The following TENM2 variants were observed in gnomAD, a reference collection of about 807,000 sequenced individuals.
TENM2 encodes teneurin transmembrane protein 2.
In TENM2, 52 loss-of-function variants were observed where a neutral mutation model predicts 245.2. The observed-to-expected ratio is 0.21, with a 90% confidence interval of 0.17 to 0.27. TENM2 has a LOEUF of 0.27. TENM2 is among the 10% of genes least tolerant of loss of function. The pLI, the probability that TENM2 is intolerant of heterozygous loss-of-function variation, is 1.00. For synonymous variants in TENM2, 1,363 were observed against 1,438.9 expected, an observed-to-expected ratio of 0.95 and a Z score of 1.19; for missense variants, 3,046 against 3,666.8, an observed-to-expected ratio of 0.83 and a Z score of 4.37.
At chr5:167,458,780 T>C (rs1332090571) in intron 2 of TENM2, among the ~76,000 whole-genome samples, 2 of 152,164 alleles carry the variant, frequency 1.3e-5, no homozygotes, top group African/African-American at 4.8e-5. Context: ...ACTATTATTA[T>C]CCTCGATTCA....
At chr5:167,242,491 C>A in the TENM2 span, among the ~76,000 whole-genome samples, 1 of 152,082 alleles carries the variant, frequency 6.6e-6, no homozygotes, top group Non-Finnish European at 1.5e-5. Flanking sequence ...GCATGGGTTA[C>A]TTATACCTCG....
At chr5:168,224,238 C>G (rs1391671905) in intron 23 of TENM2, among the ~76,000 whole-genome samples, 1 of 152,190 alleles carries the variant, frequency 6.6e-6, no homozygotes, top group Non-Finnish European at 1.5e-5. Flanking sequence ...ATTACAACAC[C>G]AGGGCTTTCC....
intron 2 of TENM2, among the ~76,000 whole-genome samples, chr5:167,550,173 A>G (rs1188713615): frequency 1.3e-5 from 2 of 152,188 alleles, no homozygotes; most frequent in African/African-American, 4.8e-5. Flanking sequence ...ATCTGTCACA[A>G]GATATTTAAT....
At chr5:167,936,083 T>A (rs975333040) in intron 3 of TENM2, among the ~76,000 whole-genome samples, 6 of 152,224 alleles carry the variant, frequency 3.9e-5, no homozygotes, top group Non-Finnish European at 8.8e-5. Context: ...TTTCTCTTCC[T>A]GGGTAGCAAT....
At chr5:167,773,698 G>A (rs989661128) in intron 2 of TENM2, among the ~76,000 whole-genome samples, 9 of 152,180 alleles carry the variant, frequency 5.9e-5, no homozygotes, top group African/African-American at 1.7e-4. Flanking sequence ...AGGAGTATTA[G>A]ACAAGATTTC....
chr5:167,773,722 G>A (rs73801394), intron 2 of TENM2, among the ~76,000 whole-genome samples: 9,861 of 152,102 alleles, frequency 0.065, 380 homozygotes, highest in Middle Eastern at 0.092. Context: ...TCCAGAAGCT[G>A]AAAGCATTTT....
intron 25 of TENM2, among the ~76,000 whole-genome samples, chr5:168,237,000 ATTTTTTTTTTTT>A (rs1167021328): frequency 1.6e-4 from 1 of 6,316 alleles, no homozygotes; most frequent in South Asian, 0.012. Flanking sequence ...ATATATATAT[ATTTTTTTTTTTT>A]TTTTTTTTTT....
chr5:168,142,619 C>G (rs1282631928), intron 12 of TENM2, among the ~76,000 whole-genome samples: 1 of 152,164 alleles, frequency 6.6e-6, no homozygotes, highest in African/African-American at 2.4e-5. Context: ...GTAGTTGAAG[C>G]CAAGCTGAGA....
At chr5:167,505,184 C>T (rs1769458760) in intron 2 of TENM2, among the ~76,000 whole-genome samples, 1 of 152,076 alleles carries the variant, frequency 6.6e-6, no homozygotes, top group Non-Finnish European at 1.5e-5. Context: ...TGATTGAAAG[C>T]TGCCTCGGTA....
intron 1 of TENM2, among the ~76,000 whole-genome samples, chr5:167,290,057 A>G (rs1754544510): frequency 6.6e-6 from 1 of 152,188 alleles, no homozygotes; most frequent in South Asian, 2.1e-4. Context: ...TCATAACTCA[A>G]CTAAGAATAA....
At chr5:167,911,312 G>A (rs1408211302) in intron 3 of TENM2, among the ~76,000 whole-genome samples, 1 of 152,148 alleles carries the variant, frequency 6.6e-6, no homozygotes, top group Non-Finnish European at 1.5e-5. Context: ...GGATCATGAG[G>A]TCAGGAGATC....
At chr5:167,183,242 C>T in the TENM2 span, among the ~76,000 whole-genome samples, 1 of 152,114 alleles carries the variant, frequency 6.6e-6, no homozygotes, top group African/African-American at 2.4e-5. Flanking sequence ...TATTCCGCTT[C>T]ATATTGGTCC....
At chr5:167,404,952 G>C (rs1762551865) in intron 2 of TENM2, among the ~76,000 whole-genome samples, 1 of 152,022 alleles carries the variant, frequency 6.6e-6, no homozygotes, top group African/African-American at 2.4e-5. Context: ...CTCCACAACT[G>C]CCAGTCCTAA....
chr5:167,733,226 C>T (rs114774932), intron 2 of TENM2, among the ~76,000 whole-genome samples: 172 of 152,188 alleles, frequency 1.1e-3, no homozygotes, highest in Admixed American at 2.7e-3. Flanking sequence ...GCCAATAGTG[C>T]CCACTTTCTG....
At chr5:167,587,297 A>C (rs1775574330) in intron 2 of TENM2, among the ~76,000 whole-genome samples, 1 of 152,184 alleles carries the variant, frequency 6.6e-6, no homozygotes, top group Admixed American at 6.5e-5. Context: ...TCTTGGGTTT[A>C]AATAGAATTT....
intron 9 of TENM2, among the ~76,000 whole-genome samples, chr5:168,104,722 T>G (rs1351759918): frequency 6.6e-6 from 1 of 152,094 alleles, no homozygotes; most frequent in African/African-American, 2.4e-5. Context: ...TCAGTCAGCA[T>G]GCGTTTGCAA....
At position 167,413,312 on chromosome 5, in the gene TENM2, A is replaced by G. The variant is rs190102948; in HGVS notation, c.502+37839A>G. ...TGTAGGTCTCTGATTGAGTAATGAAATACGATGTATTCAATTTCTTCTCTC... is the reference window on the plus strand; with the variant it reads ...TGTAGGTCTCTGATTGAGTAATGAAGTACGATGTATTCAATTTCTTCTCTC... On this transcript the variant is annotated intron_variant, in intron 2 of 28. Transcript: ENST00000518659. 1.2e-4 allele frequency among the ~76,000 whole-genome samples: 18 copies of G among 152,152 alleles called. No homozygotes were observed. The East Asian group carries it at 2.9e-3, about 25-fold the overall frequency.
At chr5:167,016,569 A>G in the TENM2 span, among the ~76,000 whole-genome samples, 2 of 152,230 alleles carry the variant, frequency 1.3e-5, no homozygotes, top group Non-Finnish European at 2.9e-5. Flanking sequence ...GACTGAATAA[A>G]GAAAATGTGA....
At chr5:167,282,553 C>G (rs944732648), upstream of TENM2, among the ~76,000 whole-genome samples, 3 of 152,102 alleles carry the variant, frequency 2.0e-5, no homozygotes, top group African/African-American at 7.2e-5. Context: ...TTAATTTTTA[C>G]AAAAACTCTG....
Sources: gnomAD v4.1 joint callset for allele counts (sites outside exome capture counted in the v4.1 genomes callset) on GRCh38, gnomAD v4.1.1 for gene constraint, MANE v1.5 for transcripts, NCBI Gene and HGNC (gene_info 2026-07-23, HGNC 2026-07-21) for gene names.